The following USP13 variants were observed in gnomAD, a reference collection of about 807,000 sequenced individuals.
USP13 encodes the protein ubiquitin specific peptidase 13, also known as ubiquitin carboxyl-terminal hydrolase 13.
Under a neutral mutation model 107.8 loss-of-function variants are expected in USP13, and 68 were observed. The ratio of observed to expected loss-of-function variants is 0.63; its 90% CI spans 0.52 to 0.77. The LOEUF is 0.77. Ranked by LOEUF, USP13 falls within the 30% of genes least tolerant of loss-of-function variation. The pLI, the probability that USP13 is intolerant of heterozygous loss-of-function variation, is 0.00. For synonymous variants in USP13, 377 were observed against 389.5 expected, an observed-to-expected ratio of 0.97 and a Z score of 0.38; for missense variants, 945 against 1,093.3, an observed-to-expected ratio of 0.86 and a Z score of 1.91.
At chr3:179,750,551 C>G (rs1714576133) in intron 13 of USP13, among the ~76,000 whole-genome samples, 1 of 151,780 alleles carries the variant, frequency 6.6e-6, no homozygotes, top group South Asian at 2.1e-4. Flanking sequence ...TCTGAATTGC[C>G]TTTATTCTTC....
rs1266939805 is a variant in USP13, at chr3:179,728,279, G to A, written c.1089-1910G>A. Among the ~76,000 whole-genome samples the A allele has an allele frequency of 1.9e-4, 29 of 150,114 alleles. 1 individual carries two copies. The highest frequency in any genetic ancestry group is 6.8e-4 in the African/African-American group (28 of 41,012). On this transcript the variant is annotated intron_variant, in intron 8 of 20. Coordinates refer to ENST00000263966, the MANE Select transcript of USP13 (RefSeq NM_003940.3). ...CACTTCCCAGACGGGGCAGTTGCCG[G>A]GCGGAGGGTCTCCTCACTTCTCAGA...
intron 6 of USP13, among the ~76,000 whole-genome samples, chr3:179,718,902 G>A (rs1419232221): frequency 6.6e-6 from 1 of 151,858 alleles, no homozygotes; most frequent in South Asian, 2.1e-4. Flanking sequence ...GACTACAGGC[G>A]CCCGCCACCA....
chr3:179,736,123 C>G (rs1413291080), intron 10 of USP13, among the ~76,000 whole-genome samples: 1 of 152,210 alleles, frequency 6.6e-6, no homozygotes, highest in Non-Finnish European at 1.5e-5. Flanking sequence ...AGTCCATCTT[C>G]TGATTTTTTC....
chr3:179,697,380 T>C (rs1028842907), intron 3 of USP13, among the ~76,000 whole-genome samples: 1 of 152,218 alleles, frequency 6.6e-6, no homozygotes. Flanking sequence ...AAAGTTAATA[T>C]GGTCAGGGTG....
intron 8 of USP13, among the ~76,000 whole-genome samples, chr3:179,724,012 T>A (rs76632849): frequency 9.4e-5 from 14 of 148,430 alleles, no homozygotes; most frequent in Admixed American, 2.0e-4. Context: ...AAAAAAAAAA[T>A]AGCCGGGCGT....
intron 1 of USP13, among the ~76,000 whole-genome samples, chr3:179,680,173 AAACAACAACAACAAC>A (rs56274945): frequency 1.3e-5 from 2 of 150,190 alleles, no homozygotes; most frequent in African/African-American, 4.9e-5. Flanking sequence ...ACGCTGTTGA[AAACAACAACAACAAC>A]AACAACAACA....
At chr3:179,768,184 C>T (rs1715236872) in intron 19 of USP13, among the ~76,000 whole-genome samples, 1 of 152,228 alleles carries the variant, frequency 6.6e-6, no homozygotes, top group Admixed American at 6.5e-5. Flanking sequence ...GGATGAGTCC[C>T]TGCGGAAGGA....
intron 6 of USP13, 110 bp downstream of exon 6, chr3:179,709,067 A>G: frequency 7.7e-7 from 1 of 1,300,666 alleles, no homozygotes; most frequent in Non-Finnish European, 1.0e-6. Context: ...CAGACAGCCC[A>G]GGTTTGAATT....
intron 1 of USP13, among the ~76,000 whole-genome samples, chr3:179,673,539 G>C (rs1279800013): frequency 2.0e-5 from 3 of 152,198 alleles, no homozygotes; most frequent in Admixed American, 6.5e-5. Flanking sequence ...GTTTCTCATA[G>C]CGATAGATTT....
intron 3 of USP13, among the ~76,000 whole-genome samples, chr3:179,699,747 T>TTTTA (rs71628092): frequency 0.1 from 14,214 of 137,896 alleles, 840 homozygotes; most frequent in Admixed American, 0.11. Context: ...ATCTTATTTA[T>TTTTA]TTTATTTATT....
At chr3:179,728,095 G>A (rs1230067195) in intron 8 of USP13, among the ~76,000 whole-genome samples, 2 of 81,782 alleles carry the variant, frequency 2.4e-5, no homozygotes, top group African/African-American at 3.5e-5. Context: ...CCTCCCTCCC[G>A]GACGGGGCAG....
chr3:179,699,094 C>CCTGACCTCGTGATCCA (rs1225615037), intron 3 of USP13, among the ~76,000 whole-genome samples: 1 of 152,088 alleles, frequency 6.6e-6, no homozygotes, highest in East Asian at 1.9e-4. Context: ...GTCTTGAACT[C>CCTGACCTCGTGATCCA]CTGACCTCGT....
chr3:179,760,879 G>A (rs989227538), intron 16 of USP13, among the ~76,000 whole-genome samples: 7 of 152,174 alleles, frequency 4.6e-5, no homozygotes, highest in African/African-American at 1.7e-4. Context: ...TTCATTGCTT[G>A]CATTGTCCAG....
intron 1 of USP13, among the ~76,000 whole-genome samples, chr3:179,663,961 T>C (rs1202962758): frequency 6.6e-6 from 1 of 152,214 alleles, no homozygotes; most frequent in Non-Finnish European, 1.5e-5. Context: ...GATATCTGTT[T>C]TCCTTTGCCT....
At chr3:179,675,019 C>T (rs775862262) in intron 1 of USP13, among the ~76,000 whole-genome samples, 2 of 151,760 alleles carry the variant, frequency 1.3e-5, no homozygotes, top group Non-Finnish European at 2.9e-5. Context: ...ACTAAAAATA[C>T]AAAAAATTAG....
chr3:179,694,353 T>C (rs1264241418), intron 3 of USP13, among the ~76,000 whole-genome samples: 1 of 152,166 alleles, frequency 6.6e-6, no homozygotes, highest in Non-Finnish European at 1.5e-5. Context: ...AGTGTGGTGA[T>C]GTGATGGCCT....
At chr3:179,692,214 G>A (rs1450192720) in intron 3 of USP13, among the ~76,000 whole-genome samples, 8 of 152,190 alleles carry the variant, frequency 5.3e-5, no homozygotes, top group African/African-American at 1.9e-4. Context: ...AAGTGATTCT[G>A]ATTTTCATCT....
chr3:179,754,761 G>T lies in USP13; in HGVS notation c.1828G>T (p.Asp610Tyr). Residue 610 changes from aspartate to tyrosine, a missense_variant, in exon 15 of 21, where the codon GAT (aspartate) becomes TAT (tyrosine). Asp to Tyr is a radical substitution (Grantham distance 160). Transcript: ENST00000263966. ...DVSIDMPDLL[D>Y]INHLRARGLQ... ...TTCTATTGATATGCCAGACCTACTT[G>T]ATATCAACCATCTCCGAGCCAGGGG... 6.2e-7 allele frequency: 1 copy of T among 1,613,426 alleles called. No homozygotes were observed. The highest frequency in any genetic ancestry group is 2.2e-5 in the East Asian group (1 of 44,848).
At chr3:179,701,163 G>T (rs771486783) in intron 4 of USP13, 34 bp downstream of exon 4, 1 of 1,461,614 alleles carries the variant, frequency 6.8e-7, no homozygotes. Context: ...AGCTAGATGC[G>T]CATGGCTCTG....
Sources: allele counts gnomAD v4.1 joint callset (sites outside exome capture counted in the v4.1 genomes callset), GRCh38; gene constraint gnomAD v4.1.1; transcripts MANE v1.5; gene names NCBI Gene and HGNC (gene_info 2026-07-23, HGNC 2026-07-21).